The following AFG1L variants were observed in gnomAD, a reference collection of about 807,000 sequenced individuals.
AFG1L encodes AFG1-like ATPase.
Under a neutral mutation model 62.2 loss-of-function variants are expected in AFG1L, and 53 were observed. That is an observed-to-expected ratio of 0.85 (90% CI 0.68 to 1.07). AFG1L has a LOEUF of 1.07. AFG1L is among the 50% of genes least tolerant of loss of function. The pLI, the probability that AFG1L is intolerant of heterozygous loss-of-function variation, is 0.00. For missense variants in AFG1L, 555 were observed against 590.5 expected, an observed-to-expected ratio of 0.94 and a Z score of 0.62; for synonymous variants, 228 against 210.3, an observed-to-expected ratio of 1.08 and a Z score of -0.73.
intron 10 of AFG1L, among the ~76,000 whole-genome samples, chr6:108,493,336 G>A (rs1019556249): frequency 6.6e-5 from 10 of 152,192 alleles, no homozygotes. Flanking sequence ...GGTGAGCCAA[G>A]GTGTGTGAAG....
intron 10 of AFG1L, among the ~76,000 whole-genome samples, chr6:108,491,803 T>C (rs1233784289): frequency 6.6e-6 from 1 of 152,194 alleles, no homozygotes; most frequent in East Asian, 1.9e-4. Flanking sequence ...GAATATGAAT[T>C]AGAATTTTTA....
intron 6 of AFG1L, among the ~76,000 whole-genome samples, chr6:108,386,375 C>T (rs1780763626): frequency 6.6e-6 from 1 of 151,854 alleles, no homozygotes; most frequent in East Asian, 1.9e-4. Context: ...GCAGGAGAAT[C>T]GCTTGAACTT....
chr6:108,500,311 A>G (rs1483390928), intron 10 of AFG1L, among the ~76,000 whole-genome samples: 2 of 151,996 alleles, frequency 1.3e-5, no homozygotes, highest in Non-Finnish European at 2.9e-5. Context: ...ATATATTTCA[A>G]AATATATTTG....
chr6:108,399,253 T>G (rs1250584384), intron 6 of AFG1L, among the ~76,000 whole-genome samples: 1 of 130,876 alleles, frequency 7.6e-6, no homozygotes, highest in African/African-American at 2.9e-5. Context: ...AGTGGCAGAA[T>G]CTCAACTCAC....
chr6:108,407,343 G>A (rs1781902662), intron 7 of AFG1L, among the ~76,000 whole-genome samples: 2 of 151,992 alleles, frequency 1.3e-5, no homozygotes, highest in South Asian at 2.1e-4. Context: ...TATTTCCATC[G>A]GCATTTCTGG....
At chr6:108,487,742 T>TA (rs1053883932) in intron 10 of AFG1L, among the ~76,000 whole-genome samples, 2 of 152,044 alleles carry the variant, frequency 1.3e-5, no homozygotes, top group Non-Finnish European at 2.9e-5. Flanking sequence ...ATGAGTGGAG[T>TA]AAAAGTATTT....
intron 6 of AFG1L, among the ~76,000 whole-genome samples, chr6:108,382,057 A>G (rs756941488): frequency 9.5e-5 from 14 of 147,530 alleles, no homozygotes; most frequent in Non-Finnish European, 2.1e-4. Flanking sequence ...CTGGAGTGCA[A>G]TGGCACAGTC....
chr6:108,507,340 C>T (rs941634581), intron 10 of AFG1L, among the ~76,000 whole-genome samples: 4 of 152,172 alleles, frequency 2.6e-5, no homozygotes, highest in South Asian at 2.1e-4. Context: ...ACAACAATTC[C>T]GCATTCCCCC....
intron 1 of AFG1L, among the ~76,000 whole-genome samples, chr6:108,316,057 T>A (rs1288779020): frequency 6.6e-6 from 1 of 151,118 alleles, no homozygotes; most frequent in African/African-American, 2.4e-5. Context: ...TAAAAAAAAA[T>A]TATAAAACAT....
intron 7 of AFG1L, among the ~76,000 whole-genome samples, chr6:108,431,492 AAGAT>A: frequency 6.6e-6 from 1 of 152,208 alleles, no homozygotes; most frequent in Non-Finnish European, 1.5e-5. Flanking sequence ...TATTATGTCT[AAGAT>A]AGAGTATGGA....
intron 1 of AFG1L, among the ~76,000 whole-genome samples, chr6:108,320,015 TG>T (rs1266100056): frequency 1.3e-5 from 2 of 152,080 alleles, no homozygotes; most frequent in African/African-American, 4.8e-5. Context: ...TTTAATAAAT[TG>T]AGGATTCTAT....
At chr6:108,352,587 G>A (rs1000538312) in intron 3 of AFG1L, among the ~76,000 whole-genome samples, 2 of 152,060 alleles carry the variant, frequency 1.3e-5, no homozygotes, top group Non-Finnish European at 2.9e-5. Flanking sequence ...TTTTGAAGCA[G>A]GGTCTCGCTC....
At chr6:108,488,591 G>A (rs1295888276) in intron 10 of AFG1L, among the ~76,000 whole-genome samples, 1 of 151,990 alleles carries the variant, frequency 6.6e-6, no homozygotes, top group East Asian at 1.9e-4. Flanking sequence ...AGTGGCTCAC[G>A]CCTGTAATCC....
intron 2 of AFG1L, among the ~76,000 whole-genome samples, chr6:108,328,670 T>C (rs1251975743): frequency 4.6e-5 from 7 of 151,974 alleles, no homozygotes; most frequent in Non-Finnish European, 1.0e-4. Flanking sequence ...CCTGGAAATA[T>C]ATTCCTTTTA....
intron 6 of AFG1L, among the ~76,000 whole-genome samples, chr6:108,396,755 T>G: frequency 6.6e-6 from 1 of 151,944 alleles, no homozygotes; most frequent in East Asian, 1.9e-4. Context: ...CCTCCCAAAG[T>G]GCTGGGATTA....
At chr6:108,316,244 A>G (rs990979417) in intron 1 of AFG1L, among the ~76,000 whole-genome samples, 7 of 146,298 alleles carry the variant, frequency 4.8e-5, no homozygotes, top group Non-Finnish European at 7.6e-5. Flanking sequence ...AGCCGGGCGT[A>G]GTGGCGGGCG....
At chr6:108,312,365 C>T (rs2114841494) in intron 1 of AFG1L, among the ~76,000 whole-genome samples, 1 of 151,810 alleles carries the variant, frequency 6.6e-6, no homozygotes, top group East Asian at 1.9e-4. Flanking sequence ...ATAGTGAGAC[C>T]CTGTCTCTAC....
intron 7 of AFG1L, among the ~76,000 whole-genome samples, chr6:108,441,701 T>TAAAAAA (rs33913085): frequency 7.8e-5 from 11 of 141,784 alleles, no homozygotes; most frequent in Admixed American, 2.1e-4. Context: ...GAGGTTTATT[T>TAAAAAA]AAAAAAAAAA....
chr6:108,428,657 G>A (rs1296580450), intron 7 of AFG1L, among the ~76,000 whole-genome samples: 1 of 152,140 alleles, frequency 6.6e-6, no homozygotes, highest in Admixed American at 6.5e-5. Context: ...CTGGGGTAAG[G>A]TGGTACCTCA....
Sources: allele counts gnomAD v4.1 joint callset (sites outside exome capture counted in the v4.1 genomes callset), GRCh38; gene constraint gnomAD v4.1.1; transcripts MANE v1.5; gene names NCBI Gene and HGNC (gene_info 2026-07-23, HGNC 2026-07-21).